CUL2: variants seen among roughly 807,000 people sequenced by gnomAD.
CUL2 encodes cullin-2.
A neutral mutation model predicts 110.2 loss-of-function variants in CUL2; 22 were observed. That is an observed-to-expected ratio of 0.20 (90% confidence interval 0.14 to 0.28). The LOEUF (loss-of-function observed/expected upper bound fraction) is 0.28, where lower values mean the gene tolerates loss of function less well. CUL2 is among the 10% of genes least tolerant of loss of function. The pLI, the probability that CUL2 is intolerant of heterozygous loss-of-function variation, is 1.00. For missense variants in CUL2, 631 were observed against 905.5 expected (o/e 0.70, Z 3.89); for synonymous variants, 279 against 293.2 (o/e 0.95, Z 0.49).
rs1040047558 is a variant in CUL2, at chr10:35,011,993, C to T, written c.1990-29G>A. ...TTTTACAGAAGAAAAGAAAAAAGAC[C>T]CAACAAGACATTAAGTCACTGAACT... is the stretch of plus-strand genomic sequence containing the variant. On this transcript the variant is annotated intron_variant, in intron 19 of 20. Transcript: ENST00000374749. The T allele has an allele frequency of 2.3e-6, 3 of 1,305,380 alleles. No individual in the cohort carries two copies. In the African/African-American group the frequency reaches 4.4e-5, roughly 19 times the overall value. 80.9% of individuals were successfully genotyped at this position (1,305,380 alleles called of 1,614,324 possible). A position where few individuals can be genotyped will look rare whatever the true frequency, so the allele number is the denominator to read the frequency against.
intron 6 of CUL2, among the ~76,000 whole-genome samples, chr10:35,047,111 GACT>G (rs989428662): frequency 6.6e-6 from 1 of 152,074 alleles, no homozygotes. Flanking sequence ...ATAATATGCT[GACT>G]AAATTACTAA....
intron 17 of CUL2, among the ~76,000 whole-genome samples, chr10:35,024,558 C>A (rs1364387637): frequency 6.6e-6 from 1 of 152,204 alleles, no homozygotes; most frequent in African/African-American, 2.4e-5. Context: ...GGCAACTCCA[C>A]ACACAGTCCA....
chr10:35,082,395 G>C (rs1488266325), intron 1 of CUL2, among the ~76,000 whole-genome samples: 4 of 152,150 alleles, frequency 2.6e-5, no homozygotes, highest in African/African-American at 9.7e-5. Flanking sequence ...GATGCTGGGG[G>C]AAGGGGAAAT....
intron 17 of CUL2, among the ~76,000 whole-genome samples, chr10:35,022,775 G>A (rs183811308): frequency 3.3e-5 from 5 of 152,262 alleles, no homozygotes; most frequent in South Asian, 4.1e-4. Context: ...GGCTGGGCAC[G>A]GTGGCTCATG....
intron 1 of CUL2, among the ~76,000 whole-genome samples, chr10:35,076,000 T>C (rs928844702): frequency 3.3e-4 from 50 of 152,182 alleles, no homozygotes; most frequent in African/African-American, 9.9e-4. Context: ...TGTAGTATTA[T>C]TCATAAAGGC....
intron 17 of CUL2, among the ~76,000 whole-genome samples, chr10:35,018,122 C>CA (rs11395891): frequency 0.66 from 86,435 of 131,462 alleles, 28,108 homozygotes; most frequent in Middle Eastern, 0.72. Context: ...ACTAAAAATA[C>CA]AAAAAAAAAA....
At chr10:35,065,093 T>G (rs2086482837) in intron 2 of CUL2, among the ~76,000 whole-genome samples, 1 of 152,238 alleles carries the variant, frequency 6.6e-6, no homozygotes, top group Non-Finnish European at 1.5e-5. Context: ...CACTGTATAA[T>G]TTTAACCAAT....
At chr10:35,105,539 A>T (rs543278791) in intron 1 of CUL2, among the ~76,000 whole-genome samples, 1 of 149,656 alleles carries the variant, frequency 6.7e-6, no homozygotes, top group African/African-American at 2.5e-5. Context: ...ACCCGTCTCT[A>T]CTAAAAAAAT....
At chr10:35,020,802 G>T (rs2085161318) in intron 17 of CUL2, among the ~76,000 whole-genome samples, 1 of 151,956 alleles carries the variant, frequency 6.6e-6, no homozygotes, top group Admixed American at 6.6e-5. Context: ...TCTATCCAAA[G>T]CCTTAGTCAT....
chr10:35,037,600 C>T (rs1310649836), intron 9 of CUL2, among the ~76,000 whole-genome samples: 1 of 152,156 alleles, frequency 6.6e-6, no homozygotes, highest in Non-Finnish European at 1.5e-5. Flanking sequence ...AATCCCAGCA[C>T]TTTGGGAGGC....
upstream of CUL2, among the ~76,000 whole-genome samples, chr10:35,094,465 C>A (rs1343872220): frequency 2.0e-5 from 3 of 152,154 alleles, no homozygotes; most frequent in Admixed American, 2.0e-4. Context: ...GAACTCCTGA[C>A]CTCAGGTGAT....
chr10:35,077,599 C>A (rs1011055004), intron 1 of CUL2, among the ~76,000 whole-genome samples: 13 of 151,908 alleles, frequency 8.6e-5, no homozygotes, highest in Non-Finnish European at 1.8e-4. Flanking sequence ...AGGCGCATTA[C>A]CTGAGGTCAC....
intron 3 of CUL2, among the ~76,000 whole-genome samples, chr10:35,062,015 A>C (rs572445434): frequency 2.3e-4 from 35 of 152,322 alleles, no homozygotes; most frequent in African/African-American, 7.2e-4. Context: ...GTCAAAACTC[A>C]GTCCATAAGG....
intron 3 of CUL2, among the ~76,000 whole-genome samples, chr10:35,061,300 C>A (rs1380098469): frequency 1.3e-5 from 2 of 151,488 alleles, no homozygotes; most frequent in East Asian, 3.9e-4. Context: ...ATGGTGAAAC[C>A]CCGTCTCTAC....
chr10:35,033,288 T>C lies in CUL2; in HGVS notation c.1003-15A>G, dbSNP rs1296407022. On this transcript the variant is annotated splice_polypyrimidine_tract_variant and intron_variant, in intron 10 of 20. Coordinates refer to ENST00000374749, the MANE Select transcript of CUL2 (RefSeq NM_003591.4). ...AGTGTTGGCATCTAAAAATGAAATATAAGTACAAAACCACATTTTAAGAGG... is the reference window on the plus strand; with the variant it reads ...AGTGTTGGCATCTAAAAATGAAATACAAGTACAAAACCACATTTTAAGAGG... 4 of 1,567,368 alleles carry C rather than the reference T, an allele frequency of 2.6e-6. No individual in the cohort carries two copies. The highest frequency in any genetic ancestry group is 2.2e-5 in the East Asian group (1 of 44,532).
intron 2 of CUL2, among the ~76,000 whole-genome samples, chr10:35,100,174 A>C (rs918732964): frequency 3.2e-4 from 49 of 152,166 alleles, no homozygotes; most frequent in African/African-American, 1.2e-3. Context: ...CACCAACCTA[A>C]AAAAAGGTTA....
intron 6 of CUL2, among the ~76,000 whole-genome samples, chr10:35,046,064 A>C (rs1209101554): frequency 6.6e-6 from 1 of 152,028 alleles, no homozygotes; most frequent in Non-Finnish European, 1.5e-5. Flanking sequence ...CTGCCTCTGA[A>C]CCCCTCTAGT....
At chr10:35,063,181 A>G in intron 2 of CUL2, 119 bp from the exon 3 acceptor site, 1 of 601,750 alleles carries the variant, frequency 1.7e-6, no homozygotes, top group South Asian at 2.1e-5. Context: ...AGCTTATAAT[A>G]TACATAATAC....
At chr10:35,042,131 C>T (rs73258727) in intron 8 of CUL2, among the ~76,000 whole-genome samples, 39 of 151,528 alleles carry the variant, frequency 2.6e-4, no homozygotes, top group African/African-American at 8.8e-4. Flanking sequence ...TTCATTACCC[C>T]ATCAGAAACT....
Sources: allele counts gnomAD v4.1 joint callset (sites outside exome capture counted in the v4.1 genomes callset), GRCh38; gene constraint gnomAD v4.1.1; transcripts MANE v1.5; gene names NCBI Gene and HGNC (gene_info 2026-07-23, HGNC 2026-07-21).